The following PRMT5 variants were observed in gnomAD, a reference collection of about 807,000 sequenced individuals.
The protein encoded by PRMT5 is protein arginine N-methyltransferase 5.
PRMT5 carries 15 observed loss-of-function variants against 84.0 expected under a neutral mutation model. That is an observed-to-expected ratio of 0.18 (90% CI 0.12 to 0.28). The LOEUF is 0.28. Ranked by LOEUF, PRMT5 falls within the 10% of genes least tolerant of loss-of-function variation. The probability of loss-of-function intolerance (pLI) is 1.00; values close to 1 mark genes in which losing one functional copy is unlikely to be tolerated. For missense variants in PRMT5, 486 were observed against 808.0 expected, an observed-to-expected ratio of 0.60 and a Z score of 4.83; for synonymous variants, 276 against 292.4, an observed-to-expected ratio of 0.94 and a Z score of 0.57.
intron 1 of PRMT5, 147 bp downstream of exon 1, chr14:22,929,105 G>A (rs2044490700): frequency 1.9e-6 from 3 of 1,597,698 alleles, no homozygotes; most frequent in East Asian, 2.2e-5. Flanking sequence ...TACTGGGTCC[G>A]AGGCTCCTCC....
At position 22,928,420 on chromosome 14, in the gene PRMT5, G is replaced by T; in HGVS notation, c.229+77C>A. ...AACAAATATATCCAAGTCAGAAAAG[G>T]AGGAGAATGAGGGCCCCGATAAAGC... is the stretch of plus-strand genomic sequence containing the variant. On this transcript the variant is annotated intron_variant, in intron 2 of 16. Transcript: ENST00000324366. The surrounding 1 kb of genome is among the most constrained non-coding windows in gnomAD (Gnocchi z 4.8). The T allele has an allele frequency of 2.3e-6, 3 of 1,299,834 alleles. No individual in the cohort carries two copies. The highest frequency in any genetic ancestry group is 3.3e-6 in the Non-Finnish European group (3 of 897,022). The allele number at this position is 1,299,834 out of a possible 1,614,324, so 80.5% of individuals were successfully genotyped here.
intron 16 of PRMT5, 167 bp from the exon 17 acceptor site, chr14:22,921,223 G>A: frequency 1.2e-6 from 1 of 811,394 alleles, no homozygotes; most frequent in Non-Finnish European, 1.9e-6. Flanking sequence ...TGTGGTGAGA[G>A]CTGTGAACAT....
Position 22,928,435 on chromosome 14 carries a change from C to A in PRMT5, c.229+62G>T. The stretch of plus-strand genomic sequence containing the variant: ...GTCAGAAAAGGAGGAGAATGAGGGC[C>A]CCGATAAAGCAGAAGTTGTTATTGC... On this transcript the variant is annotated intron_variant, in intron 2 of 16. Transcript: ENST00000324366. This position sits in a 1 kb window ranked among gnomAD's most constrained non-coding sequence, Gnocchi z 4.8. 1 of 1,392,036 alleles carries A rather than the reference C, an allele frequency of 7.2e-7. No individual in the cohort carries two copies. The highest frequency in any genetic ancestry group is 1.0e-6 in the Non-Finnish European group (1 of 979,588). 86.2% of individuals were successfully genotyped at this position (1,392,036 alleles called of 1,614,324 possible).
chr14:22,929,193 G>C, intron 1 of PRMT5, 59 bp downstream of exon 1: 1 of 1,614,010 alleles, frequency 6.2e-7, no homozygotes, highest in Non-Finnish European at 8.5e-7. Flanking sequence ...TGACTAGTCT[G>C]CCCTTCTCCG....
rs1017839362 is a variant in PRMT5 at position 22,928,738 on chromosome 14, G to C, written c.111-123C>G. On this transcript the variant is annotated intron_variant, in intron 1 of 16. Coordinates refer to ENST00000324366, the MANE Select transcript of PRMT5 (RefSeq NM_006109.5). The surrounding 1 kb of genome is among the most constrained non-coding windows in gnomAD (Gnocchi z 4.8). ...CAGCTGCCATCAGTTCAGCCTACTA[G>C]GCTGCTGAGTTCAGACCACCTTGGG... The C allele has an allele frequency of 4.8e-6, 4 of 826,236 alleles. No individual in the cohort carries two copies. Among genetic ancestry groups the C allele is most frequent in the Admixed American group, 1.8e-5 (1 of 54,868 alleles). The allele number at this position is 826,236 out of a possible 1,614,324, so 51.2% of individuals were successfully genotyped here. A position where few individuals can be genotyped will look rare whatever the true frequency, so the allele number is the denominator to read the frequency against.
At position 22,922,264 on chromosome 14, in the gene PRMT5, A is replaced by C. The variant is rs756224636; in HGVS notation, c.1697-24T>G. The C allele has an allele frequency of 9.6e-6, 15 of 1,563,874 alleles. No individual in the cohort carries two copies. In the South Asian group the frequency reaches 1.6e-4, roughly 16 times the overall value. ...ACCTGTGTGGACAAAATAATGAAAAAACAGAGGTCTCCATGGCTGTGACTT... is the reference window on the plus strand; with the variant it reads ...ACCTGTGTGGACAAAATAATGAAAACACAGAGGTCTCCATGGCTGTGACTT... On this transcript the variant is annotated intron_variant, in intron 15 of 16. Transcript: ENST00000324366.
At position 22,924,985 on chromosome 14, in the gene PRMT5, C is replaced by G; in HGVS notation, c.833G>C (p.Cys278Ser). 3 of 1,614,044 alleles carry G rather than the reference C, an allele frequency of 1.9e-6. No homozygotes were observed. Among genetic ancestry groups the G allele is most frequent in the Non-Finnish European group, 2.5e-6 (3 of 1,180,022 alleles). ...GTATTCCAGGTATTGGAGGTAGGAG[C>G]AGAACTCCTTCTCTGAGTGGTGGTT... Reference protein sequence around the residue: ...GTNHHSEKEFCSYLQYLEYLS... With the variant: ...GTNHHSEKEFSSYLQYLEYLS... Residue 278 changes from cysteine (C) to serine (S), a missense_variant, in exon 8 of 17, where the codon TGC (cysteine) becomes TCC (serine). Coordinates refer to ENST00000324366, the MANE Select transcript of PRMT5 (RefSeq NM_006109.5). The surrounding 1 kb of genome is among the most constrained non-coding windows in gnomAD (Gnocchi z 6.5).
chr14:22,926,232 G>C lies in PRMT5; in HGVS notation c.678C>G (p.Ile226Met). 1 of 1,613,852 alleles carries C rather than the reference G, an allele frequency of 6.2e-7. No individual in the cohort carries two copies. The highest frequency in any genetic ancestry group is 8.5e-7 in the Non-Finnish European group (1 of 1,179,810). Reference protein sequence around the residue: ...HVIDRWLGEPIKAAILPTSIF... With the variant: ...HVIDRWLGEPMKAAILPTSIF... ...TGCTAGTGGGGAGAATGGCTGCTTT[G>C]ATGGGCTCCCCAAGCCAGCGATCAA... The change falls in exon 7 of 17, where the codon ATC becomes ATG. Residue 226 changes from isoleucine to methionine, a missense_variant. Ile to Met is a conservative substitution (Grantham distance 10, BLOSUM62 1). Around this residue, in one of 4 missense-constraint regions of PRMT5, gnomAD observed 215 missense variants for 301.1 expected, o/e 0.71. Coordinates refer to ENST00000324366, the MANE Select transcript of PRMT5 (RefSeq NM_006109.5).
chr14:22,924,806 A>C lies in PRMT5; in HGVS notation c.939+73T>G. 6.3e-7 allele frequency: 1 copy of C among 1,592,308 alleles called. No homozygotes were observed. Among genetic ancestry groups the C allele is most frequent in the South Asian group, 1.1e-5 (1 of 88,922 alleles). ...TTCCACTGCTTTCTGAGTTTTAGTA[A>C]GATTTGGAGGCATATATTCTCAAGA... On this transcript the variant is annotated intron_variant, in intron 8 of 16. Coordinates refer to ENST00000324366, the MANE Select transcript of PRMT5 (RefSeq NM_006109.5). The surrounding 1 kb of genome is among the most constrained non-coding windows in gnomAD (Gnocchi z 6.5).
In PRMT5 at chr14:22,923,210, T is replaced by A. The variant is rs944185092; in HGVS notation, c.1376-50A>T. On this transcript the variant is annotated intron_variant, in intron 12 of 16. Coordinates refer to ENST00000324366, the MANE Select transcript of PRMT5 (RefSeq NM_006109.5). This position sits in a 1 kb window ranked among gnomAD's most constrained non-coding sequence, Gnocchi z 5.2. ...GTTCCAGAGGGAGGGAAATGGTATGTCTGTACTAACTGAAGGATCAGAAGG... is the reference window on the plus strand; with the variant it reads ...GTTCCAGAGGGAGGGAAATGGTATGACTGTACTAACTGAAGGATCAGAAGG... 2.2e-5 allele frequency: 30 copies of A among 1,388,912 alleles called. No individual in the cohort carries two copies. The highest frequency in any genetic ancestry group is 2.8e-5 in the Non-Finnish European group (28 of 1,001,652). The allele number at this position is 1,388,912 out of a possible 1,614,324, so 86.0% of individuals were successfully genotyped here. A position where few individuals can be genotyped will look rare whatever the true frequency, so the allele number is the denominator to read the frequency against.
In PRMT5 at chr14:22,923,259, A is replaced by T; in HGVS notation, c.1376-99T>A. ...GGATCAAACCTCCCATGTCAAAACCAACCAACGTTGGCATGGGCATGGAAG... is the reference window on the plus strand; with the variant it reads ...GGATCAAACCTCCCATGTCAAAACCTACCAACGTTGGCATGGGCATGGAAG... On this transcript the variant is annotated intron_variant, in intron 12 of 16. Transcript: ENST00000324366. This position sits in a 1 kb window ranked among gnomAD's most constrained non-coding sequence, Gnocchi z 5.2. 1 of 864,618 alleles carries T rather than the reference A, an allele frequency of 1.2e-6. No homozygotes were observed. The highest frequency in any genetic ancestry group is 1.8e-6 in the Non-Finnish European group (1 of 569,624). 53.6% of individuals were successfully genotyped at this position (864,618 alleles called of 1,614,324 possible). A position where few individuals can be genotyped will look rare whatever the true frequency, so the allele number is the denominator to read the frequency against.
chr14:22,921,320 AAAG>A (rs1397912512), intron 16 of PRMT5, among the ~76,000 whole-genome samples: 2 of 152,232 alleles, frequency 1.3e-5, no homozygotes, highest in Non-Finnish European at 2.9e-5. Context: ...AAAAATGTTT[AAAG>A]AAGACCTAGA....
Position 22,922,764 on chromosome 14 carries a change from GA to G in PRMT5, c.1556del (p.Phe519SerfsTer11). ...TACCTCTGTTGGGATGGCTGAAGGTGAAACAGGGCTGGGGTGCAGAGAGCTG... is the reference window on the plus strand; with the variant it reads ...TACCTCTGTTGGGATGGCTGAAGGTGAACAGGGCTGGGGTGCAGAGAGCTG... ...FHQLSAPQPCFTFSHPNRDPM... is the reference protein window; with the variant it reads ...FHQLSAPQPCXTFSHPNRDPM... On this transcript the variant is annotated frameshift_variant, in exon 14 of 17. Coordinates refer to ENST00000324366, the MANE Select transcript of PRMT5 (RefSeq NM_006109.5). LOFTEE classifies it high-confidence loss of function. 1 of 1,614,074 alleles carries G rather than the reference GA, an allele frequency of 6.2e-7. No individual in the cohort carries two copies. Among genetic ancestry groups the G allele is most frequent in the Non-Finnish European group, 8.5e-7 (1 of 1,180,018 alleles).
chr14:22,928,008 C>G lies in PRMT5; in HGVS notation c.315+118G>C. ...ATAGGTGTGCACCACAGCACCCAGC[C>G]TAATAGCTTTAATTTCATTCTATCA... On this transcript the variant is annotated intron_variant, in intron 3 of 16. Transcript: ENST00000324366. This position sits in a 1 kb window ranked among gnomAD's most constrained non-coding sequence, Gnocchi z 4.8. 1 of 929,614 alleles carries G rather than the reference C, an allele frequency of 1.1e-6. No homozygotes were observed. Among genetic ancestry groups the G allele is most frequent in the East Asian group, 2.5e-5 (1 of 39,884 alleles). The allele number at this position is 929,614 out of a possible 1,614,324, so 57.6% of individuals were successfully genotyped here. A position where few individuals can be genotyped will look rare whatever the true frequency, so the allele number is the denominator to read the frequency against.
At chr14:22,929,041 C>T (rs1158346217) in intron 1 of PRMT5, 2 of 1,255,696 alleles carry the variant, frequency 1.6e-6, no homozygotes, top group Non-Finnish European at 2.3e-6. Flanking sequence ...CAACAACTCT[C>T]CCAACTTTGG....
Position 22,923,710 on chromosome 14 carries a change from C to T in PRMT5, c.1375+298G>A, listed in dbSNP as rs759388712. Among the ~76,000 whole-genome samples the T allele has an allele frequency of 4.6e-5, 7 of 152,002 alleles. No homozygotes were observed. The highest frequency in any genetic ancestry group is 4.1e-4 in the South Asian group (2 of 4,824). On this transcript the variant is annotated intron_variant, in intron 12 of 16. Transcript: ENST00000324366. This position sits in a 1 kb window ranked among gnomAD's most constrained non-coding sequence, Gnocchi z 5.2. ...TGTATTTTTAGTAGTGATGGGGTTT[C>T]GCCATGTTGCCCAGGCTGGTCTCAA...
chr14:22,921,660 G>A (rs1436850486), intron 16 of PRMT5, among the ~76,000 whole-genome samples: 3 of 152,006 alleles, frequency 2.0e-5, no homozygotes, highest in African/African-American at 7.2e-5. Context: ...TGAGGTGGGC[G>A]GATCATGAGG....
rs926735013 is a variant in PRMT5 at position 22,928,432 on chromosome 14, G to A, written c.229+65C>T. The A allele has an allele frequency of 7.2e-5, 99 of 1,375,056 alleles. No individual in the cohort carries two copies. In the South Asian group the frequency reaches 1.1e-3, roughly 15 times the overall value. 85.2% of individuals were successfully genotyped at this position (1,375,056 alleles called of 1,614,324 possible). ...CAAGTCAGAAAAGGAGGAGAATGAGGGCCCCGATAAAGCAGAAGTTGTTAT... is the reference window on the plus strand; with the variant it reads ...CAAGTCAGAAAAGGAGGAGAATGAGAGCCCCGATAAAGCAGAAGTTGTTAT... On this transcript the variant is annotated intron_variant, in intron 2 of 16. Coordinates refer to ENST00000324366, the MANE Select transcript of PRMT5 (RefSeq NM_006109.5). The surrounding 1 kb of genome is among the most constrained non-coding windows in gnomAD (Gnocchi z 4.8).
In PRMT5 at chr14:22,923,332, A is replaced by G; in HGVS notation, c.1376-172T>C. The G allele has an allele frequency of 1.8e-6, 1 of 552,802 alleles. No individual in the cohort carries two copies. Among genetic ancestry groups the G allele is most frequent in the Non-Finnish European group, 3.2e-6 (1 of 313,898 alleles). 34.2% of individuals were successfully genotyped at this position (552,802 alleles called of 1,614,324 possible). ...ACATTACTAAGCCAGCCTGCTTCCA[A>G]CTACTGTCATGGAGGATTCCACTAC... On this transcript the variant is annotated intron_variant, in intron 12 of 16. Coordinates refer to ENST00000324366, the MANE Select transcript of PRMT5 (RefSeq NM_006109.5). This position sits in a 1 kb window ranked among gnomAD's most constrained non-coding sequence, Gnocchi z 5.2.
Sources: allele counts gnomAD v4.1 joint callset (sites outside exome capture counted in the v4.1 genomes callset), GRCh38; gene constraint gnomAD v4.1.1; regional missense constraint gnomAD v4.1.1; non-coding constraint Gnocchi (gnomAD v3.1); transcripts MANE v1.5; gene names NCBI Gene and HGNC (gene_info 2026-07-23, HGNC 2026-07-21).